Variants in SNTG2 observed in about 807,000 individuals in gnomAD.
SNTG2 encodes the protein syntrophin gamma 2.
In SNTG2, 74 loss-of-function variants were observed where a neutral mutation model predicts 70.9. The observed-to-expected ratio is 1.04, with a 90% CI of 0.86 to 1.27. SNTG2 has a LOEUF of 1.27. SNTG2 is among the 50% of genes most tolerant of loss of function. The pLI is 0.00. For synonymous variants in SNTG2, 278 were observed against 273.8 expected, an observed-to-expected ratio of 1.02 and a Z score of -0.15; for missense variants, 717 against 690.7, an observed-to-expected ratio of 1.04 and a Z score of -0.43.
intron 2 of SNTG2, 34 bp from the exon 3 acceptor site, chr2:1,098,162 C>A (rs1251834120): frequency 1.1e-5 from 18 of 1,608,560 alleles, no homozygotes; most frequent in Admixed American, 3.4e-5. Context: ...GCATTTTAAC[C>A]TAAACTTGGT....
intron 8 of SNTG2, among the ~76,000 whole-genome samples, chr2:1,195,362 A>G (rs1038604073): frequency 1.3e-5 from 2 of 152,064 alleles, no homozygotes; most frequent in African/African-American, 2.4e-5. Flanking sequence ...AAGCGTTCCT[A>G]TTTCTCCACA....
chr2:1,006,105 G>C (rs1408925226), intron 1 of SNTG2, among the ~76,000 whole-genome samples: 3 of 146,174 alleles, frequency 2.1e-5, no homozygotes, highest in Non-Finnish European at 4.5e-5. Flanking sequence ...ACTCATAGGT[G>C]GGAATTGAAC....
intron 1 of SNTG2, among the ~76,000 whole-genome samples, chr2:974,050 G>A (rs1411222324): frequency 6.6e-6 from 1 of 152,090 alleles, no homozygotes. Context: ...TCCTGAAAAT[G>A]GATTTATTTA....
rs1665532432 is a variant in SNTG2, at chr2:1,098,348, T to G, written c.268-5T>G. On this transcript the variant is annotated splice_region_variant and splice_polypyrimidine_tract_variant and intron_variant, in intron 3 of 16. Coordinates refer to ENST00000308624, the MANE Select transcript of SNTG2 (RefSeq NM_018968.4). Reference sequence around the variant, plus strand: ...ACGTTTCTTTCTGATGGCTTTGTCTTTCAGGGAGGTTCTGAGCACAACGTC... The same window carrying G: ...ACGTTTCTTTCTGATGGCTTTGTCTGTCAGGGAGGTTCTGAGCACAACGTC... 6.2e-7 allele frequency: 1 copy of G among 1,614,028 alleles called. No individual in the cohort carries two copies. The highest frequency in any genetic ancestry group is 1.7e-5 in the Admixed American group (1 of 60,030).
chr2:1,346,672 C>T (rs960703254), intron 16 of SNTG2: 1 of 152,202 alleles, frequency 6.6e-6, no homozygotes, highest in Non-Finnish European at 1.5e-5. Context: ...CACACAGTCT[C>T]CTGAGGTCCC....
chr2:1,314,862 C>T (rs1420078087), intron 15 of SNTG2, among the ~76,000 whole-genome samples: 11 of 152,102 alleles, frequency 7.2e-5, no homozygotes, highest in Admixed American at 6.6e-4. Flanking sequence ...GGAACTGCCC[C>T]TTATAAAACC....
At chr2:1,106,077 C>A (rs374342499) in intron 4 of SNTG2, among the ~76,000 whole-genome samples, 12,336 of 92,600 alleles carry the variant, frequency 0.13, 726 homozygotes, top group Admixed American at 0.15. Flanking sequence ...TAGTGGACAC[C>A]TGCTGTCACT....
At chr2:1,119,684 G>A (rs2148284388) in intron 4 of SNTG2, among the ~76,000 whole-genome samples, 2 of 151,338 alleles carry the variant, frequency 1.3e-5, no homozygotes, top group Admixed American at 6.6e-5. Context: ...ACATACAAAG[G>A]GTGAAAATAA....
At chr2:1,195,895 GA>G (rs113436793) in intron 8 of SNTG2, among the ~76,000 whole-genome samples, 2,197 of 147,732 alleles carry the variant, frequency 0.015, 31 homozygotes, top group African/African-American at 0.039. Context: ...TATTGATCAG[GA>G]AAAAAAAAAT....
At chr2:1,238,069 A>G (rs1676802098) in intron 10 of SNTG2, 52 bp downstream of exon 10, 2 of 1,558,072 alleles carry the variant, frequency 1.3e-6, no homozygotes, top group Non-Finnish European at 1.7e-6. Context: ...GTGCATGAAA[A>G]ATAATGGAGA....
intron 1 of SNTG2, among the ~76,000 whole-genome samples, chr2:1,030,769 G>C (rs945117700): frequency 3.0e-4 from 46 of 151,932 alleles, no homozygotes; most frequent in African/African-American, 1.1e-3. Context: ...ACTTTCTCAA[G>C]TGTACCATAA....
intron 1 of SNTG2, among the ~76,000 whole-genome samples, chr2:969,770 T>C (rs1017803396): frequency 9.9e-5 from 15 of 152,222 alleles, no homozygotes; most frequent in Admixed American, 2.6e-4. Context: ...GGGCAGAGAC[T>C]GTAAGGTTTT....
intron 4 of SNTG2, among the ~76,000 whole-genome samples, chr2:1,132,285 AG>A (rs1364996140): frequency 2.6e-5 from 4 of 152,072 alleles, no homozygotes; most frequent in African/African-American, 9.7e-5. Context: ...ATACATGCAC[AG>A]GTTGATAGGT....
intron 1 of SNTG2, among the ~76,000 whole-genome samples, chr2:1,022,967 G>T (rs1660275725): frequency 6.6e-6 from 1 of 152,192 alleles, no homozygotes; most frequent in Non-Finnish European, 1.5e-5. Flanking sequence ...GCTTCAGCCA[G>T]TTGGCCAGGG....
At chr2:960,218 G>A (rs570436058) in intron 1 of SNTG2, among the ~76,000 whole-genome samples, 17 of 152,120 alleles carry the variant, frequency 1.1e-4, no homozygotes, top group Non-Finnish European at 1.8e-4. Context: ...TGGCTCAGGC[G>A]TCTGTGACTA....
intron 14 of SNTG2, among the ~76,000 whole-genome samples, chr2:1,271,192 C>T (rs756668129): frequency 1.3e-5 from 2 of 152,160 alleles, no homozygotes; most frequent in African/African-American, 2.4e-5. Flanking sequence ...AAGAGAATAA[C>T]AGACCTTCCA....
intron 8 of SNTG2, among the ~76,000 whole-genome samples, chr2:1,196,964 G>A (rs1401984900): frequency 1.3e-5 from 2 of 151,898 alleles, no homozygotes; most frequent in Non-Finnish European, 2.9e-5. Flanking sequence ...GAGCAGACAA[G>A]TAAATGAAAA....
intron 1 of SNTG2, among the ~76,000 whole-genome samples, chr2:963,075 A>C (rs1045856136): frequency 6.6e-6 from 1 of 152,128 alleles, no homozygotes; most frequent in African/African-American, 2.4e-5. Context: ...TTCAAAAACT[A>C]ACTGCAGTTT....
In SNTG2 at chr2:991,372, TAC is replaced by T. The variant is rs61002101; in HGVS notation, c.72+40338_72+40339del. Among the ~76,000 whole-genome samples, 1,255 of 140,292 alleles carry T rather than the reference TAC, an allele frequency of 8.9e-3. 19 individuals carry two copies. Among genetic ancestry groups the T allele is most frequent in the African/African-American group, 0.023 (884 of 37,906 alleles). 92.0% of individuals were successfully genotyped at this position (140,292 alleles called of 152,430 possible). On this transcript the variant is annotated intron_variant, in intron 1 of 16. Coordinates refer to ENST00000308624, the MANE Select transcript of SNTG2 (RefSeq NM_018968.4). ...AGGGAGCTTATAAGTTCTGTAATAT[TAC>T]ACACACACACACACACACACACACA... is the stretch of plus-strand genomic sequence containing the variant.
Sources: gnomAD v4.1 joint callset for allele counts (sites outside exome capture counted in the v4.1 genomes callset) on GRCh38, gnomAD v4.1.1 for gene constraint, MANE v1.5 for transcripts, NCBI Gene and HGNC (gene_info 2026-07-23, HGNC 2026-07-21) for gene names.